The following MTARC2 variants were observed in gnomAD, a reference collection of about 807,000 sequenced individuals.
MTARC2 encodes MOCO sulphurase C-terminal domain containing 2.
Under a neutral mutation model 35.6 loss-of-function variants are expected in MTARC2, and 27 were observed. The ratio of observed to expected loss-of-function variants is 0.76; its 90% confidence interval spans 0.56 to 1.04. The LOEUF (loss-of-function observed/expected upper bound fraction) is 1.04, where lower values mean the gene tolerates loss of function less well. Among genes scored for constraint, MTARC2 ranks in the 50% least tolerant of loss-of-function variants. The pLI, the probability that MTARC2 is intolerant of heterozygous loss-of-function variation, is 0.00. For missense variants in MTARC2, 412 were observed against 432.5 expected, an observed-to-expected ratio of 0.95 and a Z score of 0.42; for synonymous variants, 158 against 167.1, an observed-to-expected ratio of 0.95 and a Z score of 0.42.
intron 3 of MTARC2, 41 bp downstream of exon 3, chr1:220,761,861 C>T (rs1671447185): frequency 6.5e-7 from 1 of 1,543,462 alleles, no homozygotes. Flanking sequence ...TACTAGTCAC[C>T]CTTCTCTTTC....
chr1:220,759,255 T>C (rs938176866), intron 2 of MTARC2, among the ~76,000 whole-genome samples: 1 of 152,230 alleles, frequency 6.6e-6, no homozygotes, highest in Non-Finnish European at 1.5e-5. Context: ...TAATTTTTAG[T>C]GAGTTACTTT....
In MTARC2 at chr1:220,761,614, T is replaced by C. The variant is rs762209868; in HGVS notation, c.447-44T>C. The stretch of plus-strand genomic sequence containing the variant: ...ATTTTTGACACCATCCCTCAGTGTA[T>C]TGATATAAGTAAGTAACCTGGTGTT... On this transcript the variant is annotated intron_variant, in intron 2 of 7. Transcript: ENST00000366913. 5.6e-5 allele frequency: 88 copies of C among 1,565,250 alleles called. No homozygotes were observed. The Middle Eastern group carries it at 6.8e-4, about 12-fold the overall frequency.
intron 3 of MTARC2, among the ~76,000 whole-genome samples, chr1:220,762,070 G>T (rs189202201): frequency 2.6e-5 from 4 of 152,128 alleles, no homozygotes; most frequent in Admixed American, 2.0e-4. Context: ...TATTGTGGAG[G>T]GGGGAGCCAG....
chr1:220,772,696 G>A (rs770167968), intron 4 of MTARC2, among the ~76,000 whole-genome samples: 39 of 150,850 alleles, frequency 2.6e-4, no homozygotes, highest in Non-Finnish European at 4.7e-4. Context: ...GTGTGTGTGT[G>A]TGTTTGTGTG....
At chr1:220,783,792 C>A in intron 7 of MTARC2, 127 bp from the exon 8 acceptor site, 1 of 649,686 alleles carries the variant, frequency 1.5e-6, no homozygotes, top group South Asian at 1.8e-5. Context: ...GCCATGCTTT[C>A]TGCACAGCAC....
chr1:220,764,846 G>A (rs1016078159), intron 4 of MTARC2, among the ~76,000 whole-genome samples: 2 of 151,984 alleles, frequency 1.3e-5, no homozygotes, highest in African/African-American at 4.8e-5. Context: ...GTGTTATCTT[G>A]TCATTTGTTA....
chr1:220,748,518 G>C lies in MTARC2; in HGVS notation c.-14G>C, dbSNP rs566345730. On this transcript the variant is annotated 5_prime_UTR_variant, in exon 1 of 8. Transcript: ENST00000366913. ...CGGGTCTGTGCGCCGGTCCGCGCCC[G>C]CCCTCGCTCTGCCATGGGCGCTTCC... is the stretch of plus-strand genomic sequence containing the variant. 10 of 1,384,006 alleles carry C rather than the reference G, an allele frequency of 7.2e-6. 1 individual carries two copies. In the Admixed American group the frequency reaches 3.6e-4, roughly 50 times the overall value. 85.7% of individuals were successfully genotyped at this position (1,384,006 alleles called of 1,614,324 possible). A position where few individuals can be genotyped will look rare whatever the true frequency, so the allele number is the denominator to read the frequency against.
At chr1:220,766,834 T>A (rs337146) in intron 4 of MTARC2, among the ~76,000 whole-genome samples, 5,339 of 135,460 alleles carry the variant, frequency 0.039, 320 homozygotes, top group African/African-American at 0.14. Flanking sequence ...TTTTTTTTTT[T>A]AAATAATAAA....
intron 1 of MTARC2, among the ~76,000 whole-genome samples, chr1:220,750,440 C>G (rs1348867553): frequency 2.0e-5 from 3 of 152,218 alleles, no homozygotes; most frequent in Non-Finnish European, 4.4e-5. Flanking sequence ...TTCTTTCCCA[C>G]TTCTCTTTGT....
chr1:220,764,575 T>A (rs1180872833), intron 4 of MTARC2, among the ~76,000 whole-genome samples: 1 of 152,026 alleles, frequency 6.6e-6, no homozygotes, highest in Non-Finnish European at 1.5e-5. Flanking sequence ...TTGCTTGAGC[T>A]TAGGAGTTTG....
chr1:220,775,376 CACTCTAAGTAAATGTCATTG>C (rs1262163254), intron 4 of MTARC2, among the ~76,000 whole-genome samples: 4 of 152,152 alleles, frequency 2.6e-5, no homozygotes, highest in Admixed American at 6.6e-5. Flanking sequence ...TTTATCCCAT[CACTCTAAGTAAATGTCATTG>C]GGGCCTGGAT....
At chr1:220,764,490 T>G (rs1671528018) in intron 4 of MTARC2, among the ~76,000 whole-genome samples, 1 of 152,114 alleles carries the variant, frequency 6.6e-6, no homozygotes, top group African/African-American at 2.4e-5. Context: ...ATCTGATAAT[T>G]TGAAAAATAG....
chr1:220,778,316 T>G (rs1267841642), intron 4 of MTARC2, among the ~76,000 whole-genome samples: 1 of 151,112 alleles, frequency 6.6e-6, no homozygotes, highest in African/African-American at 2.4e-5. Context: ...CTGTACAGGA[T>G]GCATAGCGGC....
chr1:220,759,312 C>T (rs1400292988), intron 2 of MTARC2, among the ~76,000 whole-genome samples: 2 of 151,942 alleles, frequency 1.3e-5, no homozygotes, highest in Non-Finnish European at 2.9e-5. Flanking sequence ...TTTATTGAAC[C>T]CAGAGTGAGG....
At chr1:220,768,482 G>A (rs12145544) in intron 4 of MTARC2, among the ~76,000 whole-genome samples, 36,282 of 152,004 alleles carry the variant, frequency 0.24, 5,843 homozygotes, top group Non-Finnish European at 0.36. Context: ...TCTCGAGGTC[G>A]CATAGCCAGC....
At chr1:220,782,503 C>T (rs572916350) in intron 7 of MTARC2, among the ~76,000 whole-genome samples, 2 of 152,266 alleles carry the variant, frequency 1.3e-5, no homozygotes, top group South Asian at 4.1e-4. Context: ...CTCCTGGAGG[C>T]AAAAGCCTAA....
intron 1 of MTARC2, among the ~76,000 whole-genome samples, chr1:220,749,328 C>T (rs1007005569): frequency 6.6e-6 from 1 of 152,068 alleles, no homozygotes; most frequent in Non-Finnish European, 1.5e-5. Context: ...GAATAGTGTC[C>T]CCCCTTCTCC....
Position 220,748,485 on chromosome 1 carries a change from G to A in MTARC2, c.-47G>A, listed in dbSNP as rs560730514. ...GGCCTCCTCGTCCTCCCGGTCTCCG[G>A]TCGCTGCCGGGTCTGTGCGCCGGTC... On this transcript the variant is annotated 5_prime_UTR_variant, in exon 1 of 8. Coordinates refer to ENST00000366913, the MANE Select transcript of MTARC2 (RefSeq NM_017898.5). 7.5e-5 allele frequency: 101 copies of A among 1,351,512 alleles called. No individual in the cohort carries two copies. In the African/African-American group the frequency reaches 1.4e-3, roughly 19 times the overall value. 83.7% of individuals were successfully genotyped at this position (1,351,512 alleles called of 1,614,324 possible). A position where few individuals can be genotyped will look rare whatever the true frequency, so the allele number is the denominator to read the frequency against.
At chr1:220,770,983 G>C (rs941294533) in intron 4 of MTARC2, among the ~76,000 whole-genome samples, 1 of 152,172 alleles carries the variant, frequency 6.6e-6, no homozygotes, top group African/African-American at 2.4e-5. Flanking sequence ...GGTCTCCAGA[G>C]AACAGAAGCC....
Sources: allele counts gnomAD v4.1 joint callset (sites outside exome capture counted in the v4.1 genomes callset), GRCh38; gene constraint gnomAD v4.1.1; transcripts MANE v1.5; gene names NCBI Gene and HGNC (gene_info 2026-07-23, HGNC 2026-07-21).